The following KLB variants were observed in gnomAD, a reference collection of about 807,000 sequenced individuals.
The protein encoded by KLB is beta-klotho.
KLB carries 44 observed loss-of-function variants against 88.4 expected under a neutral mutation model. The observed-to-expected ratio is 0.50, with a 90% CI of 0.39 to 0.64. The LOEUF is 0.64. Among genes scored for constraint, KLB ranks in the 30% least tolerant of loss-of-function variants. KLB has a pLI of 0.00. For synonymous variants in KLB, 548 were observed against 513.4 expected (o/e 1.07, Z -0.91); for missense variants, 1,137 against 1,304.8 (o/e 0.87, Z 1.98).
chr4:39,430,409 G>GGAAAAAAA (rs71643294), intron 1 of KLB, among the ~76,000 whole-genome samples: 2 of 134,058 alleles, frequency 1.5e-5, no homozygotes, highest in African/African-American at 2.6e-5. Context: ...TTTCTAATTA[G>GGAAAAAAA]AAAAAAAAAA....
chr4:39,408,987 A>G (rs1333406155), intron 1 of KLB, among the ~76,000 whole-genome samples: 2 of 132,746 alleles, frequency 1.5e-5, no homozygotes, highest in Non-Finnish European at 3.5e-5. Context: ...CCATGTCTAA[A>G]TTTGTACATA....
chr4:39,438,021 A>G (rs1317745286), intron 3 of KLB, 26 bp downstream of exon 3: 2 of 1,597,142 alleles, frequency 1.3e-6, no homozygotes, highest in East Asian at 4.5e-5. Context: ...CAAATTAACC[A>G]TAAACTGGGA....
rs368754393 is a variant in KLB, at chr4:39,407,783, C to T, written c.825+9C>T. 4.2e-5 allele frequency: 61 copies of T among 1,447,444 alleles called. No homozygotes were observed. The highest frequency in any genetic ancestry group is 5.7e-5 in the Non-Finnish European group (61 of 1,071,962). 89.7% of individuals were successfully genotyped at this position (1,447,444 alleles called of 1,614,324 possible). On this transcript the variant is annotated intron_variant, in intron 1 of 4. Transcript: ENST00000257408. Reference sequence around the variant, plus strand: ...GACACAACTTGATCAAGGTACTGTACAGCTAGCTTCTTCTTATAGCTTCAG... The same window carrying T: ...GACACAACTTGATCAAGGTACTGTATAGCTAGCTTCTTCTTATAGCTTCAG...
At position 39,447,445 on chromosome 4, in the gene KLB, C is replaced by G. The variant is rs745401813; in HGVS notation, c.2719C>G (p.Leu907Val). 1 of 1,601,554 alleles carries G rather than the reference C, an allele frequency of 6.2e-7. No individual in the cohort carries two copies. The highest frequency in any genetic ancestry group is 1.7e-5 in the Admixed American group (1 of 59,304). ...LEDDRLRKYY[L>V]GKYLQEVLKA... Reference sequence around the variant, plus strand: ...GGATGACCGGCTCCGGAAGTACTACCTAGGGAAGTACCTTCAGGAGGTGCT... The same window carrying G: ...GGATGACCGGCTCCGGAAGTACTACGTAGGGAAGTACCTTCAGGAGGTGCT... Residue 907 changes from leucine to valine, a missense_variant, in exon 4 of 5, where the codon CTA (leucine) becomes GTA (valine). Coordinates refer to ENST00000257408, the MANE Select transcript of KLB (RefSeq NM_175737.4).
chr4:39,416,648 T>C (rs1025079826), intron 1 of KLB, among the ~76,000 whole-genome samples: 39 of 149,162 alleles, frequency 2.6e-4, no homozygotes, highest in African/African-American at 9.2e-4. Flanking sequence ...GAGCTAGGCA[T>C]GGTGGCATGA....
intron 1 of KLB, among the ~76,000 whole-genome samples, chr4:39,420,378 T>G (rs1222560234): frequency 6.6e-6 from 1 of 152,194 alleles, no homozygotes; most frequent in Non-Finnish European, 1.5e-5. Flanking sequence ...GGACAAAATA[T>G]TCCTTAATAT....
intron 1 of KLB, among the ~76,000 whole-genome samples, chr4:39,431,193 G>A (rs1743352608): frequency 6.6e-6 from 1 of 150,958 alleles, no homozygotes; most frequent in Admixed American, 6.6e-5. Context: ...GCCTCCCAAA[G>A]TGTTGGGATT....
At chr4:39,424,770 A>C (rs1035526618) in intron 1 of KLB, among the ~76,000 whole-genome samples, 1 of 152,048 alleles carries the variant, frequency 6.6e-6, no homozygotes, top group Non-Finnish European at 1.5e-5. Context: ...CTGGGACTAC[A>C]GGCATGTGCC....
intron 2 of KLB, 68 bp downstream of exon 2, chr4:39,434,788 G>A: frequency 8.4e-6 from 10 of 1,191,510 alleles, no homozygotes; most frequent in Non-Finnish European, 1.2e-5. Context: ...AGTCACCTTT[G>A]AATATGTAAC....
intron 3 of KLB, among the ~76,000 whole-genome samples, chr4:39,443,758 C>CAAAAAAAAAA (rs56820388): frequency 1.8e-5 from 2 of 111,070 alleles, no homozygotes; most frequent in African/African-American, 3.4e-5. Flanking sequence ...GAGACTTTGT[C>CAAAAAAAAAA]AAAAAAAAAA....
At chr4:39,442,568 G>A (rs1249142402) in intron 3 of KLB, among the ~76,000 whole-genome samples, 1 of 151,764 alleles carries the variant, frequency 6.6e-6, no homozygotes, top group Non-Finnish European at 1.5e-5. Flanking sequence ...CAAGTAGCTG[G>A]GATTACAGGT....
rs754656987 is a variant in KLB at position 39,437,783 on chromosome 4, G to A, written c.1393G>A (p.Gly465Ser). The change falls in exon 3 of 5, where the codon GGC becomes AGC. Residue 465 changes from glycine to serine, a missense_variant. Transcript: ENST00000257408. ...FGYTAWSLLD[G>S]FEWQDAYTIR... Reference sequence around the variant, plus strand: ...TTATACTGCCTGGTCTCTCCTGGATGGCTTTGAATGGCAGGATGCTTACAC... The same window carrying A: ...TTATACTGCCTGGTCTCTCCTGGATAGCTTTGAATGGCAGGATGCTTACAC... The A allele has an allele frequency of 6.2e-7, 1 of 1,614,118 alleles. No homozygotes were observed. The highest frequency in any genetic ancestry group is 2.2e-5 in the East Asian group (1 of 44,882).
intron 3 of KLB, among the ~76,000 whole-genome samples, chr4:39,445,816 C>T (rs113230178): frequency 1.0e-3 from 156 of 151,978 alleles, no homozygotes; most frequent in African/African-American, 3.6e-3. Context: ...GCCACCGCGC[C>T]CGGCCTGGAT....
intron 1 of KLB, among the ~76,000 whole-genome samples, 157 bp downstream of exon 1, chr4:39,407,931 T>C (rs1742765276): frequency 6.6e-6 from 1 of 152,252 alleles, no homozygotes; most frequent in Non-Finnish European, 1.5e-5. Context: ...AGTTAGTGTA[T>C]GTTTTATTTA....
Position 39,407,107 on chromosome 4 carries a change from T to C in KLB, c.158T>C (p.Phe53Ser). The C allele has an allele frequency of 6.2e-7, 1 of 1,614,212 alleles. No individual in the cohort carries two copies. Among genetic ancestry groups the C allele is most frequent in the Non-Finnish European group, 8.5e-7 (1 of 1,180,020 alleles). ...ALILLRAVTG[F>S]SGDGRAIWSK... ...ATTCTGCTACGAGCTGTTACTGGAT[T>C]CTCTGGAGATGGAAGAGCTATATGG... Residue 53 changes from phenylalanine (F) to serine (S), a missense_variant, in exon 1 of 5, where the codon TTC becomes TCC. Around this residue, in one of 4 missense-constraint regions of KLB, gnomAD observed 111 missense variants for 118.3 expected, o/e 0.94. Coordinates refer to ENST00000257408, the MANE Select transcript of KLB (RefSeq NM_175737.4).
At chr4:39,419,545 G>T (rs959975485) in intron 1 of KLB, among the ~76,000 whole-genome samples, 2 of 152,030 alleles carry the variant, frequency 1.3e-5, no homozygotes, top group Non-Finnish European at 2.9e-5. Flanking sequence ...AGGCTGAGGT[G>T]GGTGGATCAT....
chr4:39,451,492 T>C lies in KLB; in HGVS notation c.*2806T>C, dbSNP rs1253755171. 6.6e-6 allele frequency: 1 copy of C among 152,258 alleles called. No individual in the cohort carries two copies. Among genetic ancestry groups the C allele is most frequent in the African/African-American group, 2.4e-5 (1 of 41,474 alleles). The allele number at this position is 152,258 out of a possible 1,614,324, so 9.4% of individuals were successfully genotyped here. ...ATGTTTAATTTTCAATGTAATTTAT[T>C]CCAAATAAACTGGTTCATGCTGACC... On this transcript the variant is annotated 3_prime_UTR_variant, in exon 5 of 5. Transcript: ENST00000257408.
In KLB at chr4:39,407,283, C is replaced by A. The variant is rs370172876; in HGVS notation, c.334C>A (p.His112Asn). 2 of 1,613,860 alleles carry A rather than the reference C, an allele frequency of 1.2e-6. No individual in the cohort carries two copies. The highest frequency in any genetic ancestry group is 1.3e-5 in the African/African-American group (1 of 74,900). Residue 112 changes from histidine to asparagine, a missense_variant, in exon 1 of 5, where the codon CAT (histidine) becomes AAT (asparagine). Physicochemically the swap from His to Asn is moderately conservative, Grantham distance 68 (BLOSUM62 1). Transcript: ENST00000257408. ...KDGKGPSIWDHFIHTHLKNVS... is the reference protein window; with the variant it reads ...KDGKGPSIWDNFIHTHLKNVS... Reference sequence around the variant, plus strand: ...TGGAAAAGGACCTTCTATATGGGATCATTTCATCCACACACACCTTAAAAA... The same window carrying A: ...TGGAAAAGGACCTTCTATATGGGATAATTTCATCCACACACACCTTAAAAA...
rs1743839840 is a variant in KLB at position 39,449,393 on chromosome 4, T to A, written c.*707T>A. 6.6e-6 allele frequency: 1 copy of A among 152,092 alleles called. No homozygotes were observed. The highest frequency in any genetic ancestry group is 2.4e-5 in the African/African-American group (1 of 41,414). The allele number at this position is 152,092 out of a possible 1,614,324, so 9.4% of individuals were successfully genotyped here. A position where few individuals can be genotyped will look rare whatever the true frequency, so the allele number is the denominator to read the frequency against. ...ACAGCAGAGATTTAACACCCTTCTT[T>A]AAACTGGGTAGTCAGTGATAGATAA... On this transcript the variant is annotated 3_prime_UTR_variant, in exon 5 of 5. Coordinates refer to ENST00000257408, the MANE Select transcript of KLB (RefSeq NM_175737.4).
Sources: gnomAD v4.1 joint callset for allele counts (sites outside exome capture counted in the v4.1 genomes callset) on GRCh38, gnomAD v4.1.1 for gene constraint, gnomAD v4.1.1 regional missense constraint, MANE v1.5 for transcripts, NCBI Gene and HGNC (gene_info 2026-07-23, HGNC 2026-07-21) for gene names.